Variants in EIPR1 observed in about 807,000 individuals in gnomAD.
EIPR1 encodes EARP complex and GARP complex interacting protein 1, also known as EARP and GARP complex-interacting protein 1.
In EIPR1, 25 loss-of-function variants were observed where a neutral mutation model predicts 48.1. The ratio of observed to expected loss-of-function variants is 0.52; its 90% CI spans 0.38 to 0.73. The LOEUF is 0.73. EIPR1 is among the 30% of genes least tolerant of loss of function. The pLI, the probability that EIPR1 is intolerant of heterozygous loss-of-function variation, is 0.00. For synonymous variants in EIPR1, 204 were observed against 201.9 expected (o/e 1.01, Z -0.09); for missense variants, 415 against 506.2 (o/e 0.82, Z 1.73).
rs1422075000 is a variant in EIPR1 at position 3,208,468 on chromosome 2, A to G, written c.516+5681T>C. 7.3e-6 allele frequency: 11 copies of G among 1,504,048 alleles called. No individual in the cohort carries two copies. The East Asian group carries it at 2.0e-4, about 27-fold the overall frequency. The allele number at this position is 1,504,048 out of a possible 1,614,324, so 93.2% of individuals were successfully genotyped here. On this transcript the variant is annotated intron_variant, in intron 5 of 8. Transcript: ENST00000382125. ...TTCCGTCGTTAGCTTTCCTCTTCTC[A>G]TCTGTCAGTTGGGAGGGGGCCCAAT...
chr2:3,344,706 G>A (rs373881635), intron 2 of EIPR1, among the ~76,000 whole-genome samples: 12 of 134,882 alleles, frequency 8.9e-5, no homozygotes, highest in East Asian at 8.9e-4. Flanking sequence ...CCAGTGGTGC[G>A]ATCTCGGCTC....
At chr2:3,252,942 GC>G (rs1401760787) in intron 4 of EIPR1, among the ~76,000 whole-genome samples, 1 of 152,226 alleles carries the variant, frequency 6.6e-6, no homozygotes, top group Non-Finnish European at 1.5e-5. Flanking sequence ...TTTCTCCCTA[GC>G]CAGGGCTCTT....
chr2:3,227,872 A>G (rs1252151015), intron 4 of EIPR1, among the ~76,000 whole-genome samples: 1 of 152,250 alleles, frequency 6.6e-6, no homozygotes, highest in Non-Finnish European at 1.5e-5. Context: ...TCCACATGGT[A>G]CCGAGCCCGT....
rs766547366 is a variant in EIPR1, at chr2:3,257,494, C to T, written c.260-39G>A. The T allele has an allele frequency of 2.8e-5, 45 of 1,606,132 alleles. No individual in the cohort carries two copies. The Middle Eastern group carries it at 5.0e-4, about 18-fold the overall frequency. Reference sequence around the variant, plus strand: ...CATAATGGATAATGTCAACAGAGCACGGTGTGCCCCGCATTCTGCAGACAG... The same window carrying T: ...CATAATGGATAATGTCAACAGAGCATGGTGTGCCCCGCATTCTGCAGACAG... On this transcript the variant is annotated intron_variant, in intron 3 of 8. Coordinates refer to ENST00000382125, the MANE Select transcript of EIPR1 (RefSeq NM_003310.5).
chr2:3,314,024 C>A (rs1341569136), intron 3 of EIPR1, among the ~76,000 whole-genome samples: 1 of 152,162 alleles, frequency 6.6e-6, no homozygotes, highest in Non-Finnish European at 1.5e-5. Flanking sequence ...ACCCAGCCCC[C>A]CTCTCACGCT....
chr2:3,251,132 C>G (rs887007881), intron 4 of EIPR1, among the ~76,000 whole-genome samples: 2 of 152,152 alleles, frequency 1.3e-5, no homozygotes, highest in African/African-American at 4.8e-5. Context: ...TCAATTCCAC[C>G]CAGGCGGCCA....
Position 3,194,153 on chromosome 2 carries a change from T to C in EIPR1, c.667A>G (p.Ile223Val). The stretch of plus-strand genomic sequence containing the variant: ...ACCAGCTGTCCGTGGGCATTCTCTA[T>C]GCAGTAGATCTGGCTGAGGGAGAAG... Reference protein sequence around the residue: ...DTRSMSQIYCIENAHGQLVRD... With the variant: ...DTRSMSQIYCVENAHGQLVRD... The change falls in exon 7 of 9, where the codon ATA becomes GTA. Residue 223 changes from isoleucine to valine, a missense_variant. By Grantham distance (29) the Ile-to-Val change is conservative. Transcript: ENST00000382125. 6.2e-7 allele frequency: 1 copy of C among 1,613,810 alleles called. No individual in the cohort carries two copies. The highest frequency in any genetic ancestry group is 8.5e-7 in the Non-Finnish European group (1 of 1,179,970).
chr2:3,300,677 AAAC>A (rs1668738337), intron 3 of EIPR1, among the ~76,000 whole-genome samples: 1 of 152,218 alleles, frequency 6.6e-6, no homozygotes, highest in African/African-American at 2.4e-5. Flanking sequence ...CCAAAAACAA[AAAC>A]AAGAAGGTAC....
At chr2:3,282,006 G>A (rs1558270761) in intron 3 of EIPR1, among the ~76,000 whole-genome samples, 2 of 152,204 alleles carry the variant, frequency 1.3e-5, no homozygotes, top group Admixed American at 6.5e-5. Context: ...TGCTTTAAAA[G>A]GGGCACTGCG....
chr2:3,217,847 C>T (rs1226580116), intron 4 of EIPR1, among the ~76,000 whole-genome samples: 3 of 152,188 alleles, frequency 2.0e-5, no homozygotes, highest in Non-Finnish European at 4.4e-5. Context: ...CTGATACACC[C>T]CACAGAGTGT....
At chr2:3,339,227 G>A (rs545996980) in intron 2 of EIPR1, among the ~76,000 whole-genome samples, 14 of 152,342 alleles carry the variant, frequency 9.2e-5, no homozygotes, top group African/African-American at 3.4e-4. Context: ...GTAGGTACCT[G>A]AGTGGTGTCT....
chr2:3,257,478 T>A lies in EIPR1; in HGVS notation c.260-23A>T, dbSNP rs1182847518. On this transcript the variant is annotated intron_variant, in intron 3 of 8. Transcript: ENST00000382125. ...AAGCTGAGCAACAGAGCATAATGGA[T>A]AATGTCAACAGAGCACGGTGTGCCC... 6 of 1,612,948 alleles carry A rather than the reference T, an allele frequency of 3.7e-6. No homozygotes were observed. In the African/African-American group the frequency reaches 8.0e-5, roughly 22 times the overall value.
At chr2:3,258,999 G>A (rs1667246863) in intron 3 of EIPR1, among the ~76,000 whole-genome samples, 1 of 151,954 alleles carries the variant, frequency 6.6e-6, no homozygotes, top group Admixed American at 6.6e-5. Context: ...ATTGGCAATG[G>A]CACTCCTGGA....
chr2:3,275,024 A>T (rs558349482), intron 3 of EIPR1, among the ~76,000 whole-genome samples: 1 of 152,298 alleles, frequency 6.6e-6, no homozygotes, highest in Non-Finnish European at 1.5e-5. Flanking sequence ...GTAAGATGAA[A>T]GAAAGTTGTA....
At chr2:3,271,875 T>C (rs1451608897) in intron 3 of EIPR1, among the ~76,000 whole-genome samples, 1 of 152,256 alleles carries the variant, frequency 6.6e-6, no homozygotes, top group Admixed American at 6.5e-5. Flanking sequence ...ATGAAAGTCC[T>C]AGATGACTTA....
chr2:3,219,377 A>ACGGCCC (rs1665782219), intron 4 of EIPR1, among the ~76,000 whole-genome samples: 1 of 147,150 alleles, frequency 6.8e-6, no homozygotes, highest in Admixed American at 6.8e-5. Context: ...CACACCCAAC[A>ACGGCCC]TGGCCCTGAT....
chr2:3,338,551 G>A (rs934468845), intron 2 of EIPR1, among the ~76,000 whole-genome samples: 2 of 152,290 alleles, frequency 1.3e-5, no homozygotes, highest in African/African-American at 4.8e-5. Flanking sequence ...GAGGGCAGGC[G>A]CAGCAGGGCA....
At chr2:3,329,106 C>G (rs1669800924) in intron 3 of EIPR1, among the ~76,000 whole-genome samples, 1 of 146,296 alleles carries the variant, frequency 6.8e-6, no homozygotes, top group Non-Finnish European at 1.5e-5. Flanking sequence ...GCCCACCCAC[C>G]ACGCTCTAAT....
chr2:3,314,607 G>A (rs894969896), intron 3 of EIPR1, among the ~76,000 whole-genome samples: 6 of 151,808 alleles, frequency 4.0e-5, no homozygotes, highest in African/African-American at 9.7e-5. Flanking sequence ...CAGGGCCCTC[G>A]GTGGTCTCAC....
Sources: allele counts gnomAD v4.1 joint callset (sites outside exome capture counted in the v4.1 genomes callset), GRCh38; gene constraint gnomAD v4.1.1; transcripts MANE v1.5; gene names NCBI Gene and HGNC (gene_info 2026-07-23, HGNC 2026-07-21).